TARS3: variants seen among roughly 807,000 people sequenced by gnomAD.
TARS3 encodes threonine--tRNA ligase 2, cytoplasmic.
A neutral mutation model predicts 103.5 loss-of-function variants in TARS3; 94 were observed. The observed-to-expected ratio is 0.91, with a 90% CI of 0.77 to 1.08. The LOEUF is 1.08. Among genes scored for constraint, TARS3 ranks in the 50% least tolerant of loss-of-function variants. TARS3 has a pLI of 0.00. For synonymous variants in TARS3, 416 were observed against 355.4 expected, an observed-to-expected ratio of 1.17 and a Z score of -1.92; for missense variants, 952 against 995.2, an observed-to-expected ratio of 0.96 and a Z score of 0.58.
intron 18 of TARS3, 78 bp from the exon 19 acceptor site, chr15:101,654,808 T>A: frequency 2.2e-6 from 3 of 1,393,436 alleles, no homozygotes; most frequent in Non-Finnish European, 3.0e-6. Flanking sequence ...CCATGACATG[T>A]TTTTATCAAG....
chr15:101,675,509 C>T (rs1596295761), intron 13 of TARS3, 91 bp downstream of exon 13: 1 of 1,301,586 alleles, frequency 7.7e-7, no homozygotes, highest in Non-Finnish European at 1.1e-6. Context: ...ATTTCTATTA[C>T]AAATTATTGC....
At chr15:101,707,342 C>T (rs1899620773) in intron 6 of TARS3, among the ~76,000 whole-genome samples, 1 of 152,174 alleles carries the variant, frequency 6.6e-6, no homozygotes, top group Non-Finnish European at 1.5e-5. Context: ...TAAGTATATT[C>T]CCAAAAGAAG....
chr15:101,724,171 G>T lies in TARS3; in HGVS notation c.217C>A (p.Leu73Met). Residue 73 changes from leucine to methionine, a missense_variant, in exon 1 of 19, where the codon CTG (leucine) becomes ATG (methionine). Leu to Met is a conservative substitution (Grantham distance 15, BLOSUM62 2). Around this residue, in one of 2 missense-constraint regions of TARS3, gnomAD observed 412 missense variants for 364.2 expected, o/e 1.13. Transcript: ENST00000335968. ...DLRHRLCSLRLCLAEERSRQA... is the reference protein window; with the variant it reads ...DLRHRLCSLRMCLAEERSRQA... ...CGGCTCCGCTCCTCGGCGAGGCACA[G>T]CCGCAGGCTGCACAGGCGGTGGCGC... is the stretch of plus-strand genomic sequence containing the variant. 1 of 1,501,598 alleles carries T rather than the reference G, an allele frequency of 6.7e-7. No homozygotes were observed. The highest frequency in any genetic ancestry group is 2.7e-5 in the East Asian group (1 of 36,952). 93.0% of individuals were successfully genotyped at this position (1,501,598 alleles called of 1,614,324 possible).
intron 2 of TARS3, among the ~76,000 whole-genome samples, chr15:101,722,480 A>G (rs887317651): frequency 4.0e-5 from 6 of 150,594 alleles, no homozygotes; most frequent in Admixed American, 3.3e-4. Flanking sequence ...TGCTTTATAT[A>G]CAAAAGCAAA....
intron 10 of TARS3, among the ~76,000 whole-genome samples, chr15:101,688,149 A>G (rs993856293): frequency 3.9e-5 from 6 of 152,210 alleles, no homozygotes; most frequent in Admixed American, 1.3e-4. Flanking sequence ...ATTGTAATAT[A>G]CATATTGTTT....
At chr15:101,695,643 C>A (rs1898936217) in intron 10 of TARS3, 1 of 152,170 alleles carries the variant, frequency 6.6e-6, no homozygotes, top group Admixed American at 6.5e-5. Flanking sequence ...TGGCTCACGT[C>A]TGTAATTCCA....
At position 101,724,328 on chromosome 15, in the gene TARS3, C is replaced by T; in HGVS notation, c.60G>A (p.Glu20=). 2 of 1,558,640 alleles carry T rather than the reference C, an allele frequency of 1.3e-6. No homozygotes were observed. The highest frequency in any genetic ancestry group is 1.7e-6 in the Non-Finnish European group (2 of 1,159,376). ...CCTCCGACCACAGCCAGCGGATGTCCTCCTCCTGCCGCTCCAGGCGCGACG... is the reference window on the plus strand; with the variant it reads ...CCTCCGACCACAGCCAGCGGATGTCTTCCTCCTGCCGCTCCAGGCGCGACG... ...AVASRLERQE[E]DIRWLWSEVE... Residue 20 remains glutamate (E), a synonymous_variant, in exon 1 of 19, where the codon GAG becomes GAA. Coordinates refer to ENST00000335968, the MANE Select transcript of TARS3 (RefSeq NM_152334.3).
intron 6 of TARS3, among the ~76,000 whole-genome samples, chr15:101,706,344 T>C (rs1899560218): frequency 6.6e-6 from 1 of 152,234 alleles, no homozygotes; most frequent in Admixed American, 6.5e-5. Flanking sequence ...CACTGGACTT[T>C]GGAAGTATAA....
chr15:101,708,395 A>G (rs970037122), intron 6 of TARS3, among the ~76,000 whole-genome samples: 5 of 152,106 alleles, frequency 3.3e-5, no homozygotes, highest in African/African-American at 1.2e-4. Context: ...AGAGAAAGTT[A>G]CTGTTTTACA....
intron 8 of TARS3, 24 bp downstream of exon 8, chr15:101,703,835 T>C (rs1899405211): frequency 9.3e-6 from 14 of 1,506,092 alleles, no homozygotes; most frequent in Middle Eastern, 3.4e-4. Context: ...AAGTTTACTG[T>C]ATTAAAAAAA....
intron 12 of TARS3, among the ~76,000 whole-genome samples, chr15:101,681,527 C>T (rs572276102): frequency 1.3e-5 from 2 of 152,300 alleles, no homozygotes; most frequent in African/African-American, 4.8e-5. Context: ...GAACAAAAAT[C>T]CATAGGCTGT....
At chr15:101,699,443 A>C (rs1442947542) in intron 10 of TARS3, 1 of 456,008 alleles carries the variant, frequency 2.2e-6, no homozygotes, top group Admixed American at 2.3e-5. Flanking sequence ...CATCTATAAA[A>C]AATAAGAGAT....
At chr15:101,694,355 T>C (rs1262424152) in intron 10 of TARS3, among the ~76,000 whole-genome samples, 1 of 152,222 alleles carries the variant, frequency 6.6e-6, no homozygotes, top group Non-Finnish European at 1.5e-5. Context: ...CCTGGTAGAA[T>C]GCGGCCATAT....
chr15:101,687,113 C>A (rs1898508053), intron 10 of TARS3, among the ~76,000 whole-genome samples: 1 of 151,900 alleles, frequency 6.6e-6, no homozygotes, highest in Non-Finnish European at 1.5e-5. Flanking sequence ...AATTAGAAAA[C>A]CTTAACAGGT....
chr15:101,683,136 C>T (rs535166550), intron 12 of TARS3, among the ~76,000 whole-genome samples: 1 of 151,948 alleles, frequency 6.6e-6, no homozygotes, highest in South Asian at 2.1e-4. Flanking sequence ...TTCTTATTTT[C>T]TTTCTTTTGC....
At chr15:101,705,415 T>C (rs2141435427) in intron 7 of TARS3, among the ~76,000 whole-genome samples, 1 of 152,296 alleles carries the variant, frequency 6.6e-6, no homozygotes, top group South Asian at 2.1e-4. Context: ...TAGAAACTCC[T>C]TTCCCAACAG....
intron 6 of TARS3, 82 bp downstream of exon 6, chr15:101,708,711 T>G: frequency 1.1e-6 from 1 of 933,948 alleles, no homozygotes; most frequent in Non-Finnish European, 1.7e-6. Context: ...CAACAGGTAA[T>G]TATTTGGGGG....
intron 17 of TARS3, 143 bp from the exon 18 acceptor site, chr15:101,657,179 A>G (rs575521838): frequency 2.1e-5 from 12 of 560,388 alleles, no homozygotes; most frequent in African/African-American, 1.9e-4. Context: ...ACCATAAAGA[A>G]GTGCGGAAGT....
chr15:101,686,210 T>A (rs970439687), intron 10 of TARS3, 148 bp from the exon 11 acceptor site: 1 of 642,008 alleles, frequency 1.6e-6, no homozygotes, highest in African/African-American at 1.8e-5. Context: ...GTGTGGTGGT[T>A]TCTGGATCTT....
Sources: gnomAD v4.1 joint callset for allele counts (sites outside exome capture counted in the v4.1 genomes callset) on GRCh38, gnomAD v4.1.1 for gene constraint, gnomAD v4.1.1 regional missense constraint, MANE v1.5 for transcripts, NCBI Gene and HGNC (gene_info 2026-07-23, HGNC 2026-07-21) for gene names.